The following TMTC2 variants were observed in gnomAD, a reference collection of about 807,000 sequenced individuals.
TMTC2 encodes the protein protein O-mannosyl-transferase TMTC2.
In TMTC2, 43 loss-of-function variants were observed where a neutral mutation model predicts 82.4. That is an observed-to-expected ratio of 0.52 (90% CI 0.41 to 0.67). The LOEUF (loss-of-function observed/expected upper bound fraction) is 0.67, where lower values mean the gene tolerates loss of function less well. Ranked by LOEUF, TMTC2 falls within the 30% of genes least tolerant of loss-of-function variation. The pLI, the probability that TMTC2 is intolerant of heterozygous loss-of-function variation, is 0.00. For synonymous variants in TMTC2, 408 were observed against 381.9 expected, an observed-to-expected ratio of 1.07 and a Z score of -0.80; for missense variants, 919 against 1,012.4, an observed-to-expected ratio of 0.91 and a Z score of 1.25.
At chr12:82,825,098 GAA>G (rs370787604) in intron 1 of TMTC2, among the ~76,000 whole-genome samples, 6 of 134,150 alleles carry the variant, frequency 4.5e-5, no homozygotes, top group Non-Finnish European at 9.7e-5. Context: ...CAAAAAAAAA[GAA>G]AAAAAAAAAA....
chr12:82,813,848 T>C (rs1411439208), intron 1 of TMTC2, among the ~76,000 whole-genome samples: 1 of 152,144 alleles, frequency 6.6e-6, no homozygotes, highest in Non-Finnish European at 1.5e-5. Flanking sequence ...GTGCCAGATA[T>C]TCTAGTAGGT....
intron 11 of TMTC2, among the ~76,000 whole-genome samples, chr12:83,064,280 G>C (rs1034969509): frequency 9.9e-5 from 15 of 151,776 alleles, no homozygotes; most frequent in Non-Finnish European, 4.4e-5. Flanking sequence ...TTGTGAAATA[G>C]TTAATTTTAA....
intron 10 of TMTC2, among the ~76,000 whole-genome samples, chr12:83,052,747 C>T (rs1041491391): frequency 7.2e-5 from 11 of 152,122 alleles, no homozygotes; most frequent in African/African-American, 2.7e-4. Context: ...TTGTTAAAGA[C>T]ATCACTTATG....
intron 1 of TMTC2, among the ~76,000 whole-genome samples, chr12:82,705,557 A>T (rs1279459883): frequency 6.6e-6 from 1 of 152,248 alleles, no homozygotes; most frequent in Admixed American, 6.5e-5. Context: ...GTGTAAAAAT[A>T]TGATAGTTCT....
intron 1 of TMTC2, among the ~76,000 whole-genome samples, chr12:82,793,319 A>G (rs1292220163): frequency 1.3e-5 from 2 of 149,266 alleles, no homozygotes. Context: ...GTCCCATTTC[A>G]TCTTTTTCTC....
chr12:83,009,262 G>A (rs1240538551), intron 8 of TMTC2, among the ~76,000 whole-genome samples: 1 of 152,094 alleles, frequency 6.6e-6, no homozygotes, highest in Non-Finnish European at 1.5e-5. Context: ...CCAGGAGAGT[G>A]GGGGATCTTT....
At chr12:82,895,185 A>C (rs1338929520) in intron 2 of TMTC2, among the ~76,000 whole-genome samples, 1 of 151,908 alleles carries the variant, frequency 6.6e-6, no homozygotes, top group Non-Finnish European at 1.5e-5. Flanking sequence ...AGTGTTTTTG[A>C]GTGTTGGATG....
intron 11 of TMTC2, among the ~76,000 whole-genome samples, chr12:83,127,509 G>T (rs923136906): frequency 6.6e-6 from 1 of 151,842 alleles, no homozygotes; most frequent in Non-Finnish European, 1.5e-5. Context: ...TCAACCAAAC[G>T]CTTTTCTCTT....
At chr12:83,056,574 A>T (rs1197453795) in intron 10 of TMTC2, among the ~76,000 whole-genome samples, 1 of 151,910 alleles carries the variant, frequency 6.6e-6, no homozygotes, top group Non-Finnish European at 1.5e-5. Flanking sequence ...AAAAAAACAG[A>T]ATCAAATTGT....
chr12:82,689,497 T>C (rs1244175801), intron 1 of TMTC2, among the ~76,000 whole-genome samples: 1 of 152,234 alleles, frequency 6.6e-6, no homozygotes, highest in East Asian at 1.9e-4. Context: ...CGGTGGTGAA[T>C]CAAGTATTCC....
At position 83,074,352 on chromosome 12, in the gene TMTC2, T is replaced by TACCA. The variant is rs1385568188; in HGVS notation, c.2331+12522_2331+12525dup. Among the ~76,000 whole-genome samples, 4 of 152,308 alleles carry TACCA rather than the reference T, an allele frequency of 2.6e-5. No homozygotes were observed. In the East Asian group the frequency reaches 7.7e-4, roughly 29 times the overall value. On this transcript the variant is annotated intron_variant, in intron 11 of 11. Transcript: ENST00000321196. ...CATCTGTGGGTCTCTCAGCCGTGGA[T>TACCA]ACCAGCACCTGTTCTGGTGGAGGTG...
chr12:83,051,899 A>G (rs1882361503), intron 10 of TMTC2, among the ~76,000 whole-genome samples: 1 of 152,138 alleles, frequency 6.6e-6, no homozygotes, highest in Non-Finnish European at 1.5e-5. Flanking sequence ...ACATCCATAA[A>G]TGGTTCTTTA....
rs373542861 is a variant in TMTC2 at position 82,746,951 on chromosome 12, A to C, written c.83+59282A>C. Among the ~76,000 whole-genome samples the C allele has an allele frequency of 5.9e-5, 9 of 152,342 alleles. No homozygotes were observed. The South Asian group carries it at 1.9e-3, about 32-fold the overall frequency. Reference sequence around the variant, plus strand: ...AATAGCAAGGAAATGGAATTTGTCCAACAACTTGAATGATCATGGAAGTAG... The same window carrying C: ...AATAGCAAGGAAATGGAATTTGTCCCACAACTTGAATGATCATGGAAGTAG... On this transcript the variant is annotated intron_variant, in intron 1 of 11. Coordinates refer to ENST00000321196, the MANE Select transcript of TMTC2 (RefSeq NM_152588.3).
At chr12:83,033,515 G>A (rs1881526210) in intron 9 of TMTC2, among the ~76,000 whole-genome samples, 1 of 152,142 alleles carries the variant, frequency 6.6e-6, no homozygotes, top group Non-Finnish European at 1.5e-5. Context: ...CACTTTGGGA[G>A]GCCGAGGCGG....
intron 11 of TMTC2, among the ~76,000 whole-genome samples, chr12:83,062,504 A>G (rs1340830070): frequency 6.6e-6 from 1 of 151,720 alleles, no homozygotes; most frequent in African/African-American, 2.4e-5. Flanking sequence ...TGCATCTCTC[A>G]CCAATGCTAA....
intron 10 of TMTC2, among the ~76,000 whole-genome samples, chr12:83,055,845 C>T (rs1882523759): frequency 6.6e-6 from 1 of 151,904 alleles, no homozygotes; most frequent in Non-Finnish European, 1.5e-5. Context: ...ACTCTGTTAC[C>T]TCTGAGTGTA....
At chr12:82,806,665 A>T (rs1879255809) in intron 1 of TMTC2, among the ~76,000 whole-genome samples, 1 of 152,184 alleles carries the variant, frequency 6.6e-6, no homozygotes, top group Non-Finnish European at 1.5e-5. Flanking sequence ...TTCTTACAGT[A>T]AAGTAAGTTA....
intron 1 of TMTC2, among the ~76,000 whole-genome samples, chr12:82,826,414 C>T (rs1394554879): frequency 6.6e-6 from 1 of 152,246 alleles, no homozygotes; most frequent in East Asian, 1.9e-4. Flanking sequence ...CTTTATGCTA[C>T]TTTTTCATCT....
At chr12:82,717,291 C>T (rs892594020) in intron 1 of TMTC2, among the ~76,000 whole-genome samples, 2 of 150,792 alleles carry the variant, frequency 1.3e-5, no homozygotes, top group Non-Finnish European at 2.9e-5. Flanking sequence ...ATGGCGTGAT[C>T]TCATCTCACC....
Sources: gnomAD v4.1 joint callset for allele counts (sites outside exome capture counted in the v4.1 genomes callset) on GRCh38, gnomAD v4.1.1 for gene constraint, MANE v1.5 for transcripts, NCBI Gene and HGNC (gene_info 2026-07-23, HGNC 2026-07-21) for gene names.